The following RIT2 variants were observed in gnomAD, a reference collection of about 807,000 sequenced individuals.
The protein encoded by RIT2 is Ras like without CAAX 2.
RIT2 carries 24 observed loss-of-function variants against 23.7 expected under a neutral mutation model. That is an observed-to-expected ratio of 1.01 (90% CI 0.73 to 1.43). The LOEUF (loss-of-function observed/expected upper bound fraction) is 1.43. Among genes scored for constraint, RIT2 ranks in the 40% most tolerant of loss-of-function variants. The pLI is 0.00. For synonymous variants in RIT2, 107 were observed against 91.1 expected, an observed-to-expected ratio of 1.17 and a Z score of -0.99; for missense variants, 236 against 266.9, an observed-to-expected ratio of 0.88 and a Z score of 0.81.
At chr18:42,959,108 T>G (rs965464444) in intron 3 of RIT2, among the ~76,000 whole-genome samples, 1 of 152,324 alleles carries the variant, frequency 6.6e-6, no homozygotes, top group Non-Finnish European at 1.5e-5. Flanking sequence ...CCACACTTCA[T>G]GAAGGGACTC....
At chr18:42,754,773 A>G (rs546190784) in intron 4 of RIT2, among the ~76,000 whole-genome samples, 356 of 152,356 alleles carry the variant, frequency 2.3e-3, no homozygotes, top group African/African-American at 7.7e-3. Flanking sequence ...AATTTGGATG[A>G]TGATGAAAAT....
intron 3 of RIT2, among the ~76,000 whole-genome samples, chr18:42,931,198 G>A (rs1255745672): frequency 6.6e-6 from 1 of 152,112 alleles, no homozygotes; most frequent in Non-Finnish European, 1.5e-5. Flanking sequence ...CTTACTTTAA[G>A]CTAAATGTTT....
At chr18:42,950,807 A>G in intron 3 of RIT2, among the ~76,000 whole-genome samples, 1 of 151,876 alleles carries the variant, frequency 6.6e-6, no homozygotes. Context: ...TGTGAAAAAA[A>G]TGCTCCACAT....
chr18:42,920,864 A>C, intron 4 of RIT2: 1 of 758,242 alleles, frequency 1.3e-6, no homozygotes, highest in Non-Finnish European at 2.2e-6. Context: ...TAACTTTATC[A>C]CTCTAGGAAT....
At chr18:43,045,686 G>T (rs1370987399) in intron 1 of RIT2, among the ~76,000 whole-genome samples, 1 of 152,088 alleles carries the variant, frequency 6.6e-6, no homozygotes, top group Non-Finnish European at 1.5e-5. Flanking sequence ...GAAGGGCATT[G>T]GGAGGGCACA....
At chr18:43,043,657 G>A (rs1231388328) in intron 1 of RIT2, among the ~76,000 whole-genome samples, 2 of 151,940 alleles carry the variant, frequency 1.3e-5, no homozygotes, top group Non-Finnish European at 2.9e-5. Context: ...GGGCTTGGTG[G>A]CACATGTCTG....
chr18:42,866,192 A>G (rs1439956935), intron 4 of RIT2, among the ~76,000 whole-genome samples: 1 of 152,176 alleles, frequency 6.6e-6, no homozygotes, highest in Non-Finnish European at 1.5e-5. Context: ...ATCTTCCCTT[A>G]CTTAAGCATT....
intron 1 of RIT2, among the ~76,000 whole-genome samples, chr18:43,107,993 C>T (rs1419764330): frequency 1.7e-4 from 21 of 121,436 alleles, no homozygotes; most frequent in Admixed American, 6.6e-4. Context: ...GATACCCCGT[C>T]TCTACTAAAA....
In RIT2 at chr18:42,830,283, C is replaced by T. The variant is rs892032991; in HGVS notation, c.427-86563G>A. Among the ~76,000 whole-genome samples, 6 of 152,320 alleles carry T rather than the reference C, an allele frequency of 3.9e-5. No homozygotes were observed. The South Asian group carries it at 1.2e-3, about 32-fold the overall frequency. ...TGCAGTTTCTGGGTTACAAAAGCAACCATCAACCATCAACAACTCAATTTG... is the reference window on the plus strand; with the variant it reads ...TGCAGTTTCTGGGTTACAAAAGCAATCATCAACCATCAACAACTCAATTTG... On this transcript the variant is annotated intron_variant, in intron 4 of 4. Transcript: ENST00000326695.
rs181692301 is a variant in RIT2 at position 43,027,425 on chromosome 18, G to A, written c.160+6386C>T. ...TTGTTTTGAGCAAGATTTTTGATTT[G>A]GACATGGGGATGGAATCTACTGAAT... On this transcript the variant is annotated intron_variant, in intron 2 of 4. Coordinates refer to ENST00000326695, the MANE Select transcript of RIT2 (RefSeq NM_002930.4). 1.6e-4 allele frequency among the ~76,000 whole-genome samples: 24 copies of A among 152,158 alleles called. 1 individual carries two copies. The highest frequency in any genetic ancestry group is 5.8e-4 in the African/African-American group (24 of 41,536).
intron 4 of RIT2, among the ~76,000 whole-genome samples, chr18:42,828,003 CA>C (rs200737336): frequency 0.033 from 1,697 of 51,776 alleles, 6 homozygotes; most frequent in African/African-American, 0.098. Context: ...GACTCCGTCT[CA>C]AAAAAAAAAA....
intron 4 of RIT2, among the ~76,000 whole-genome samples, chr18:42,901,575 G>C (rs1032809243): frequency 1.3e-5 from 2 of 151,948 alleles, no homozygotes; most frequent in Non-Finnish European, 2.9e-5. Context: ...ATATATTGCA[G>C]TAAAATTAAT....
chr18:43,003,516 C>A (rs972057508), intron 2 of RIT2, among the ~76,000 whole-genome samples: 3 of 151,798 alleles, frequency 2.0e-5, no homozygotes, highest in African/African-American at 7.2e-5. Flanking sequence ...TGTTTCCTGG[C>A]AAAAATTCAC....
At chr18:42,979,121 T>C (rs1386880445) in intron 2 of RIT2, among the ~76,000 whole-genome samples, 1 of 152,144 alleles carries the variant, frequency 6.6e-6, no homozygotes, top group East Asian at 1.9e-4. Flanking sequence ...GCAAGATATG[T>C]TTGCAATAAT....
chr18:43,071,526 C>T (rs1912896705), intron 1 of RIT2, among the ~76,000 whole-genome samples: 1 of 152,076 alleles, frequency 6.6e-6, no homozygotes, highest in South Asian at 2.1e-4. Flanking sequence ...ACTGGAGTAC[C>T]ATTAGCAGTA....
intron 3 of RIT2, among the ~76,000 whole-genome samples, chr18:42,971,801 A>G (rs1197659563): frequency 6.6e-6 from 1 of 151,990 alleles, no homozygotes; most frequent in Non-Finnish European, 1.5e-5. Context: ...TAGCACAAGT[A>G]CACTTAGTGC....
At chr18:42,998,611 A>G (rs1425772859) in intron 2 of RIT2, among the ~76,000 whole-genome samples, 1 of 152,112 alleles carries the variant, frequency 6.6e-6, no homozygotes, top group African/African-American at 2.4e-5. Flanking sequence ...AAATCACTGA[A>G]CTAAAGGAAT....
At position 43,115,494 on chromosome 18, in the gene RIT2, C is replaced by T; in HGVS notation, c.26G>A (p.Cys9Tyr). ...CCCGCCTGATGCGCTGCCCGGGGAG[C>T]AGCTGGCTTCATTTTCTACCTCCAT... MEVENEAS[C>Y]SPGSASGGSR... The change falls in exon 1 of 5, where the codon TGC becomes TAC. Residue 9 changes from cysteine (C) to tyrosine (Y), a missense_variant. Coordinates refer to ENST00000326695, the MANE Select transcript of RIT2 (RefSeq NM_002930.4). 6.2e-7 allele frequency: 1 copy of T among 1,613,258 alleles called. No homozygotes were observed. The highest frequency in any genetic ancestry group is 8.5e-7 in the Non-Finnish European group (1 of 1,179,696).
At chr18:42,780,596 A>G (rs1567994574) in intron 4 of RIT2, among the ~76,000 whole-genome samples, 2 of 152,194 alleles carry the variant, frequency 1.3e-5, no homozygotes, top group Non-Finnish European at 2.9e-5. Flanking sequence ...TTGAGGTAAA[A>G]TACTTTGATT....
Sources: allele counts gnomAD v4.1 joint callset (sites outside exome capture counted in the v4.1 genomes callset), GRCh38; gene constraint gnomAD v4.1.1; transcripts MANE v1.5; gene names NCBI Gene and HGNC (gene_info 2026-07-23, HGNC 2026-07-21).